The following CSMD1 variants were observed in gnomAD, a reference collection of about 807,000 sequenced individuals.
The protein encoded by CSMD1 is CUB and sushi domain-containing protein 1.
In CSMD1, 213 loss-of-function variants were observed where a neutral mutation model predicts 417.5. The ratio of observed to expected loss-of-function variants is 0.51; its 90% CI spans 0.46 to 0.57. The LOEUF (loss-of-function observed/expected upper bound fraction) is 0.57. CSMD1 is among the 20% of genes least tolerant of loss of function. CSMD1 has a pLI of 0.00. For missense variants in CSMD1, 6,923 were observed against 4,529.7 expected (o/e 1.53, Z -15.17); for synonymous variants, 2,862 against 1,736.8 (o/e 1.65, Z -16.11).
rs538554891 is a variant in CSMD1, at chr8:4,612,975, G to A, written c.302+24367C>T. ...TGACACAGGGACTAGAGATATAACA[G>A]TCCCTGCAAAACTGATCTCATAACA... On this transcript the variant is annotated intron_variant, in intron 2 of 69. Coordinates refer to ENST00000635120, the MANE Select transcript of CSMD1 (RefSeq NM_033225.6). 3.9e-5 allele frequency among the ~76,000 whole-genome samples: 6 copies of A among 152,244 alleles called. No individual in the cohort carries two copies. In the East Asian group the frequency reaches 1.2e-3, roughly 30 times the overall value.
chr8:4,413,959 T>C (rs1467809313), intron 3 of CSMD1, among the ~76,000 whole-genome samples: 2 of 152,296 alleles, frequency 1.3e-5, no homozygotes, highest in East Asian at 1.9e-4. Context: ...AGCTCTATAA[T>C]TGTTATAAAT....
chr8:4,795,667 G>A (rs751769571), intron 1 of CSMD1, among the ~76,000 whole-genome samples: 5 of 152,016 alleles, frequency 3.3e-5, no homozygotes, highest in African/African-American at 9.7e-5. Flanking sequence ...AGTACAATAT[G>A]GAAAATAATT....
intron 3 of CSMD1, among the ~76,000 whole-genome samples, chr8:4,395,817 A>G (rs184351198): frequency 2.6e-5 from 4 of 152,328 alleles, no homozygotes; most frequent in African/African-American, 7.2e-5. Context: ...GAACCCTCAA[A>G]GTAGATACAC....
intron 5 of CSMD1, among the ~76,000 whole-genome samples, chr8:3,881,769 T>C (rs970044436): frequency 7.2e-5 from 11 of 151,806 alleles, no homozygotes; most frequent in African/African-American, 2.7e-4. Flanking sequence ...TACTTAAGAC[T>C]CTGAATGGTC....
At chr8:3,602,004 A>C (rs1584946439) in intron 8 of CSMD1, among the ~76,000 whole-genome samples, 1 of 152,056 alleles carries the variant, frequency 6.6e-6, no homozygotes, top group South Asian at 2.1e-4. Flanking sequence ...GGAGGATGGG[A>C]AGTTATGGCT....
intron 1 of CSMD1, among the ~76,000 whole-genome samples, chr8:4,865,118 A>T (rs1198888080): frequency 6.6e-6 from 1 of 151,744 alleles, no homozygotes; most frequent in Non-Finnish European, 1.5e-5. Flanking sequence ...AATAGTGATA[A>T]AATTCAAAGT....
intron 47 of CSMD1, among the ~76,000 whole-genome samples, chr8:3,093,875 C>A (rs1434708583): frequency 6.6e-6 from 1 of 152,078 alleles, no homozygotes; most frequent in African/African-American, 2.4e-5. Flanking sequence ...AATGTCATGG[C>A]TAAATTTCCT....
chr8:3,845,995 C>T (rs981014349), intron 5 of CSMD1, among the ~76,000 whole-genome samples: 2 of 152,020 alleles, frequency 1.3e-5, no homozygotes, highest in South Asian at 2.1e-4. Flanking sequence ...CCGTCACCTC[C>T]TATGAGAACA....
At chr8:3,717,930 G>C (rs73187206) in intron 6 of CSMD1, among the ~76,000 whole-genome samples, 5 of 152,042 alleles carry the variant, frequency 3.3e-5, no homozygotes, top group African/African-American at 7.2e-5. Context: ...CTTTAGTCAA[G>C]GCTGTTAATC....
intron 5 of CSMD1, among the ~76,000 whole-genome samples, chr8:3,852,367 C>G (rs1470648928): frequency 1.3e-5 from 2 of 152,090 alleles, no homozygotes; most frequent in African/African-American, 4.8e-5. Context: ...AAGGGACACC[C>G]TCTCTACTCC....
chr8:2,966,206 T>C (rs967380728), intron 58 of CSMD1, among the ~76,000 whole-genome samples: 1 of 152,190 alleles, frequency 6.6e-6, no homozygotes, highest in Non-Finnish European at 1.5e-5. Flanking sequence ...ACCCCTTGAC[T>C]AGCCCCTAAT....
intron 1 of CSMD1, among the ~76,000 whole-genome samples, chr8:4,689,207 T>C (rs1038064): frequency 0.7 from 106,070 of 152,054 alleles, 38,264 homozygotes; most frequent in African/African-American, 0.88. Context: ...TGTGTTCAGA[T>C]CCTACTGTGA....
chr8:3,684,537 A>T (rs889328080), intron 7 of CSMD1, among the ~76,000 whole-genome samples: 3 of 151,248 alleles, frequency 2.0e-5, no homozygotes, highest in Non-Finnish European at 4.4e-5. Context: ...ATCTAGAAAC[A>T]AATGGCACTG....
At chr8:4,735,652 G>C (rs774429832) in intron 1 of CSMD1, among the ~76,000 whole-genome samples, 4 of 152,092 alleles carry the variant, frequency 2.6e-5, no homozygotes, top group Admixed American at 6.6e-5. Context: ...AAGCTAGCAC[G>C]CACTGATGTC....
intron 1 of CSMD1, among the ~76,000 whole-genome samples, chr8:4,930,424 A>T (rs1411923208): frequency 6.6e-6 from 1 of 152,076 alleles, no homozygotes; most frequent in Non-Finnish European, 1.5e-5. Context: ...TCATTTTGAG[A>T]AGTGGCGCTT....
intron 3 of CSMD1, among the ~76,000 whole-genome samples, chr8:4,270,113 C>G (rs1042532337): frequency 3.3e-5 from 5 of 152,172 alleles, no homozygotes; most frequent in Admixed American, 6.6e-5. Flanking sequence ...CAATCTCTTT[C>G]TGAGACTTTG....
Position 3,597,877 on chromosome 8 carries a change from C to A in CSMD1, c.1098-11617G>T, listed in dbSNP as rs534667441. 2.8e-4 allele frequency among the ~76,000 whole-genome samples: 42 copies of A among 152,222 alleles called. 3 individuals are homozygous for A. The South Asian group carries it at 6.8e-3, about 25-fold the overall frequency. The stretch of plus-strand genomic sequence containing the variant: ...GGGAGGGATAGCATTAGCAGAAATA[C>A]CTAATGTAAATGATGAGTTGATGGG... On this transcript the variant is annotated intron_variant, in intron 8 of 69. Transcript: ENST00000635120.
At chr8:3,436,102 C>G (rs1411575850) in intron 12 of CSMD1, among the ~76,000 whole-genome samples, 1 of 152,136 alleles carries the variant, frequency 6.6e-6, no homozygotes, top group Non-Finnish European at 1.5e-5. Context: ...AGCAGAGGCT[C>G]CCTCACTCTC....
intron 54 of CSMD1, among the ~76,000 whole-genome samples, chr8:2,981,975 G>C (rs1285079491): frequency 6.6e-6 from 1 of 152,126 alleles, no homozygotes; most frequent in Non-Finnish European, 1.5e-5. Context: ...TAGGATTCTA[G>C]AGGTGACTCA....
Sources: gnomAD v4.1 joint callset for allele counts (sites outside exome capture counted in the v4.1 genomes callset) on GRCh38, gnomAD v4.1.1 for gene constraint, MANE v1.5 for transcripts, NCBI Gene and HGNC (gene_info 2026-07-23, HGNC 2026-07-21) for gene names.